SYNDIG1: variants seen among roughly 807,000 people sequenced by gnomAD.
SYNDIG1 encodes synapse differentiation inducing 1, also known as synapse differentiation-inducing gene protein 1.
SYNDIG1 carries 9 observed loss-of-function variants against 19.4 expected under a neutral mutation model. That is an observed-to-expected ratio of 0.46 (90% CI 0.28 to 0.81). SYNDIG1 has a LOEUF of 0.81. SYNDIG1 is among the 30% of genes least tolerant of loss of function. The probability of loss-of-function intolerance (pLI) is 0.12; values close to 1 mark genes in which losing one functional copy is unlikely to be tolerated. For synonymous variants in SYNDIG1, 141 were observed against 145.9 expected, an observed-to-expected ratio of 0.97 and a Z score of 0.24; for missense variants, 311 against 343.3, an observed-to-expected ratio of 0.91 and a Z score of 0.74.
At chr20:24,578,299 C>T (rs546431048) in intron 2 of SYNDIG1, among the ~76,000 whole-genome samples, 2 of 151,966 alleles carry the variant, frequency 1.3e-5, no homozygotes, top group Admixed American at 1.3e-4. Flanking sequence ...AAAAATTAGC[C>T]GGGCATGATG....
intron 3 of SYNDIG1, among the ~76,000 whole-genome samples, chr20:24,660,717 C>A (rs1453111060): frequency 6.6e-6 from 1 of 152,254 alleles, no homozygotes; most frequent in Non-Finnish European, 1.5e-5. Context: ...CCTTCGCATC[C>A]CCAGCTTCAG....
At chr20:24,612,204 A>G (rs1426772054) in intron 3 of SYNDIG1, among the ~76,000 whole-genome samples, 1 of 152,214 alleles carries the variant, frequency 6.6e-6, no homozygotes, top group Non-Finnish European at 1.5e-5. Flanking sequence ...AGGAGCACGG[A>G]CGCCTCCCAA....
At chr20:24,659,496 AGTGCTGG>A (rs1199135270) in intron 3 of SYNDIG1, among the ~76,000 whole-genome samples, 1 of 152,200 alleles carries the variant, frequency 6.6e-6, no homozygotes, top group East Asian at 1.9e-4. Flanking sequence ...CAGCATCCTG[AGTGCTGG>A]GTGGAGACAC....
rs563984868 is a variant in SYNDIG1, at chr20:24,575,918, G to A, written c.481-8938G>A. 3.9e-5 allele frequency among the ~76,000 whole-genome samples: 6 copies of A among 152,304 alleles called. No individual in the cohort carries two copies. The East Asian group carries it at 9.6e-4, about 24-fold the overall frequency. ...AGCTGTTTGGGCCTGGGCAGGTTCAGGGACTCTGAGACATCCACCCCACAC... is the reference window on the plus strand; with the variant it reads ...AGCTGTTTGGGCCTGGGCAGGTTCAAGGACTCTGAGACATCCACCCCACAC... On this transcript the variant is annotated intron_variant, in intron 2 of 3. Transcript: ENST00000376862.
intron 3 of SYNDIG1, among the ~76,000 whole-genome samples, chr20:24,644,295 TA>T (rs1234358914): frequency 6.6e-6 from 1 of 152,200 alleles, no homozygotes; most frequent in Non-Finnish European, 1.5e-5. Context: ...GTTAAAACAT[TA>T]TGTTCACTGT....
intron 3 of SYNDIG1, 63 bp downstream of exon 3, chr20:24,585,056 G>GCGCCGC: frequency 1.8e-6 from 1 of 545,664 alleles, no homozygotes; most frequent in Non-Finnish European, 3.4e-6. Flanking sequence ...GGTGGGGGCG[G>GCGCCGC]CAATCCCAGC....
chr20:24,585,055 G>GCCCCCC, intron 3 of SYNDIG1, 62 bp downstream of exon 3: 4 of 685,354 alleles, frequency 5.8e-6, no homozygotes, highest in African/African-American at 1.9e-5. Flanking sequence ...GGGTGGGGGC[G>GCCCCCC]GCAATCCCAG....
At chr20:24,469,818 G>A (rs2055363420) in intron 1 of SYNDIG1, 65 bp downstream of exon 1, 1 of 152,194 alleles carries the variant, frequency 6.6e-6, no homozygotes, top group Non-Finnish European at 1.5e-5. Flanking sequence ...GGTCGCGGCA[G>A]GGGCCGCGAG....
chr20:24,553,071 C>T (rs978062589), intron 2 of SYNDIG1, among the ~76,000 whole-genome samples: 1 of 151,636 alleles, frequency 6.6e-6, no homozygotes, highest in African/African-American at 2.4e-5. Flanking sequence ...TGATGGTGAG[C>T]ATTTTTTCAT....
chr20:24,482,889 T>C (rs1352369359), intron 1 of SYNDIG1, among the ~76,000 whole-genome samples: 8 of 152,194 alleles, frequency 5.3e-5, no homozygotes. Context: ...TTCAGATAAT[T>C]CTTGAAAGCT....
chr20:24,518,968 C>T (rs1161093144), intron 1 of SYNDIG1, among the ~76,000 whole-genome samples: 1 of 152,214 alleles, frequency 6.6e-6, no homozygotes, highest in African/African-American at 2.4e-5. Flanking sequence ...ATTTGGGTTT[C>T]TTGACCTTGC....
chr20:24,528,061 G>A (rs945042409), intron 1 of SYNDIG1, among the ~76,000 whole-genome samples: 1 of 152,264 alleles, frequency 6.6e-6, no homozygotes, highest in East Asian at 1.9e-4. Context: ...ATGGAAGAGT[G>A]GTGATATTTG....
At chr20:24,563,422 C>T (rs976607225) in intron 2 of SYNDIG1, among the ~76,000 whole-genome samples, 9 of 152,170 alleles carry the variant, frequency 5.9e-5, no homozygotes, top group Non-Finnish European at 1.5e-5. Flanking sequence ...TCCCAGAGAG[C>T]ACCAGGAACT....
At chr20:24,560,329 A>G (rs1050272684) in intron 2 of SYNDIG1, among the ~76,000 whole-genome samples, 1 of 151,996 alleles carries the variant, frequency 6.6e-6, no homozygotes, top group Non-Finnish European at 1.5e-5. Flanking sequence ...ATACATTGTT[A>G]TGCTCAATAT....
intron 1 of SYNDIG1, among the ~76,000 whole-genome samples, chr20:24,523,833 G>A (rs2146561645): frequency 6.6e-6 from 1 of 152,258 alleles, no homozygotes; most frequent in Non-Finnish European, 1.5e-5. Flanking sequence ...TGCCGTTCTT[G>A]CTCACAAAGA....
At chr20:24,544,664 G>A (rs1165678493) in intron 2 of SYNDIG1, among the ~76,000 whole-genome samples, 1 of 152,102 alleles carries the variant, frequency 6.6e-6, no homozygotes, top group Non-Finnish European at 1.5e-5. Context: ...GAAGAGAAGG[G>A]TGGGGTAAGG....
chr20:24,519,857 A>C (rs568883563), intron 1 of SYNDIG1, among the ~76,000 whole-genome samples: 9 of 151,400 alleles, frequency 5.9e-5, no homozygotes, highest in East Asian at 3.9e-4. Flanking sequence ...ACACACACAC[A>C]CCCCACCACC....
At chr20:24,586,466 A>T (rs568781064) in intron 3 of SYNDIG1, among the ~76,000 whole-genome samples, 14 of 152,270 alleles carry the variant, frequency 9.2e-5, no homozygotes, top group South Asian at 2.1e-4. Flanking sequence ...GAGGTCCCAG[A>T]CTGGGACACA....
chr20:24,561,404 G>A (rs549955663), intron 2 of SYNDIG1, among the ~76,000 whole-genome samples: 1 of 152,308 alleles, frequency 6.6e-6, no homozygotes, highest in Admixed American at 6.5e-5. Flanking sequence ...AGGAGAGCTG[G>A]AAGCACCTCC....
Sources: gnomAD v4.1 joint callset for allele counts (sites outside exome capture counted in the v4.1 genomes callset) on GRCh38, gnomAD v4.1.1 for gene constraint, MANE v1.5 for transcripts, NCBI Gene and HGNC (gene_info 2026-07-23, HGNC 2026-07-21) for gene names.